Variants in CLEC16A observed in about 807,000 individuals in gnomAD.
CLEC16A encodes the protein protein CLEC16A.
Under a neutral mutation model 109.5 loss-of-function variants are expected in CLEC16A, and 51 were observed. The ratio of observed to expected loss-of-function variants is 0.47; its 90% CI spans 0.37 to 0.59. CLEC16A has a LOEUF of 0.59. CLEC16A is among the 20% of genes least tolerant of loss of function. The pLI, the probability that CLEC16A is intolerant of heterozygous loss-of-function variation, is 0.00. For missense variants in CLEC16A, 1,339 were observed against 1,394.0 expected (o/e 0.96, Z 0.63); for synonymous variants, 673 against 564.2 (o/e 1.19, Z -2.73).
At chr16:11,006,236 T>C (rs1371969404) in intron 11 of CLEC16A, among the ~76,000 whole-genome samples, 1 of 152,166 alleles carries the variant, frequency 6.6e-6, no homozygotes, top group South Asian at 2.1e-4. Flanking sequence ...CCCAGAGATA[T>C]TCTGGACCGA....
At chr16:10,970,650 C>A (rs143870146) in intron 4 of CLEC16A, among the ~76,000 whole-genome samples, 94 of 152,384 alleles carry the variant, frequency 6.2e-4, no homozygotes, top group African/African-American at 2.1e-3. Flanking sequence ...GCAATCCCCC[C>A]TCCTTGGCCT....
At chr16:11,082,026 C>T (rs758113951) in intron 19 of CLEC16A, among the ~76,000 whole-genome samples, 27 of 151,862 alleles carry the variant, frequency 1.8e-4, no homozygotes, top group Middle Eastern at 3.4e-3. Context: ...AGTGAGAATC[C>T]GTCTAAAAAA....
intron 19 of CLEC16A, among the ~76,000 whole-genome samples, chr16:11,118,582 C>A (rs773271557): frequency 6.6e-6 from 1 of 152,210 alleles, no homozygotes; most frequent in African/African-American, 2.4e-5. Flanking sequence ...ACCATCACAA[C>A]TGTAAACTGC....
At chr16:11,145,736 T>C (rs573233097) in intron 22 of CLEC16A, among the ~76,000 whole-genome samples, 1 of 152,378 alleles carries the variant, frequency 6.6e-6, no homozygotes, top group African/African-American at 2.4e-5. Context: ...TGGCCAAGCC[T>C]GGGCCGGTGG....
chr16:11,039,957 G>T (rs2047231378), intron 14 of CLEC16A, 81 bp downstream of exon 14: 1 of 1,509,404 alleles, frequency 6.6e-7, no homozygotes, highest in Non-Finnish European at 8.9e-7. Context: ...AGCCCTGGGT[G>T]CTAGGCCTGA....
intron 12 of CLEC16A, among the ~76,000 whole-genome samples, chr16:11,022,337 C>CTTTTTT (rs36094157): frequency 8.6e-5 from 8 of 93,470 alleles, no homozygotes; most frequent in South Asian, 3.6e-4. Flanking sequence ...GTCTGGCTAC[C>CTTTTTT]TTTTTTTTTT....
chr16:11,122,985 C>A (rs556344592), intron 20 of CLEC16A, among the ~76,000 whole-genome samples: 2 of 139,730 alleles, frequency 1.4e-5, no homozygotes, highest in East Asian at 4.5e-4. Context: ...CTCACTGCAA[C>A]CTCTGCCTTC....
intron 19 of CLEC16A, among the ~76,000 whole-genome samples, chr16:11,062,351 A>T (rs891735712): frequency 6.6e-6 from 1 of 152,226 alleles, no homozygotes; most frequent in Non-Finnish European, 1.5e-5. Context: ...TTAGTGTATA[A>T]TTCAATGAGT....
intron 17 of CLEC16A, among the ~76,000 whole-genome samples, chr16:11,049,251 C>T (rs1302858159): frequency 1.3e-5 from 2 of 152,102 alleles, no homozygotes; most frequent in Non-Finnish European, 2.9e-5. Flanking sequence ...CGTGATCCGC[C>T]CGCCTTGGCC....
At chr16:11,105,429 C>T (rs528828936) in intron 19 of CLEC16A, among the ~76,000 whole-genome samples, 1 of 152,334 alleles carries the variant, frequency 6.6e-6, no homozygotes, top group Admixed American at 6.5e-5. Flanking sequence ...CATACATGTT[C>T]TGGACACATG....
chr16:11,126,358 T>C (rs2052819850), intron 22 of CLEC16A: 4 of 1,456,528 alleles, frequency 2.7e-6, no homozygotes, highest in African/African-American at 1.4e-5. Context: ...TTTGGTTTGG[T>C]TTTCCAGAGA....
intron 23 of CLEC16A, among the ~76,000 whole-genome samples, chr16:11,176,929 T>G (rs115276370): frequency 0.014 from 2,179 of 152,290 alleles, 58 homozygotes; most frequent in African/African-American, 0.05. Flanking sequence ...TCTTTGTTTT[T>G]CCATTATTTT....
intron 11 of CLEC16A, among the ~76,000 whole-genome samples, chr16:11,010,840 C>T (rs1404367430): frequency 6.6e-6 from 1 of 152,206 alleles, no homozygotes; most frequent in Non-Finnish European, 1.5e-5. Flanking sequence ...TCTTTTGCGA[C>T]ATTGACTTTT....
Position 10,949,547 on chromosome 16 carries a change from G to A in CLEC16A, c.80+4750G>A, listed in dbSNP as rs185036587. On this transcript the variant is annotated intron_variant, in intron 1 of 23. Transcript: ENST00000409790. Reference sequence around the variant, plus strand: ...TGGCAGAACTCACGTGGTTCAGCAGGGGAGTGTTCACTGGGTGAAGAGGAA... The same window carrying A: ...TGGCAGAACTCACGTGGTTCAGCAGAGGAGTGTTCACTGGGTGAAGAGGAA... Among the ~76,000 whole-genome samples, 5 of 152,218 alleles carry A rather than the reference G, an allele frequency of 3.3e-5. No individual in the cohort carries two copies. In the East Asian group the frequency reaches 9.7e-4, roughly 30 times the overall value.
intron 19 of CLEC16A, among the ~76,000 whole-genome samples, chr16:11,111,425 G>A: frequency 6.6e-6 from 1 of 152,094 alleles, no homozygotes; most frequent in South Asian, 2.1e-4. Context: ...GCATTTTTAT[G>A]ACTTTGCCTC....
Position 11,066,197 on chromosome 16 carries a change from A to G in CLEC16A, c.2116+5175A>G, listed in dbSNP as rs1178765043. On this transcript the variant is annotated intron_variant, in intron 19 of 23. Coordinates refer to ENST00000409790, the MANE Select transcript of CLEC16A (RefSeq NM_015226.3). ...TTGCTGGGAGGAGTAGATGAGCATT[A>G]TCTGTGCTGTGCCTAGAACAGTGCC... Among the ~76,000 whole-genome samples the G allele has an allele frequency of 2.6e-5, 4 of 152,108 alleles. No individual in the cohort carries two copies. The East Asian group carries it at 7.7e-4, about 29-fold the overall frequency.
intron 11 of CLEC16A, among the ~76,000 whole-genome samples, chr16:11,009,419 C>T (rs1241852578): frequency 2.0e-5 from 3 of 152,178 alleles, no homozygotes; most frequent in Non-Finnish European, 4.4e-5. Flanking sequence ...CAAATCCATT[C>T]CTGCCTTTGA....
chr16:11,087,310 C>T (rs1276119039), intron 19 of CLEC16A, among the ~76,000 whole-genome samples: 5 of 152,102 alleles, frequency 3.3e-5, no homozygotes, highest in Non-Finnish European at 5.9e-5. Flanking sequence ...CACCTGGACC[C>T]GGTCCCAAGA....
intron 18 of CLEC16A, chr16:11,057,030 G>A (rs942016714): frequency 2.0e-5 from 3 of 152,282 alleles, no homozygotes; most frequent in African/African-American, 7.2e-5. Context: ...ACTATAATGA[G>A]CAGCTTCATG....
Sources: gnomAD v4.1 joint callset for allele counts (sites outside exome capture counted in the v4.1 genomes callset) on GRCh38, gnomAD v4.1.1 for gene constraint, MANE v1.5 for transcripts, NCBI Gene and HGNC (gene_info 2026-07-23, HGNC 2026-07-21) for gene names.